Variants in MMP26 observed in about 807,000 individuals in gnomAD.
MMP26 encodes the protein matrix metalloproteinase-26.
MMP26 carries 33 observed loss-of-function variants against 31.0 expected under a neutral mutation model. The ratio of observed to expected loss-of-function variants is 1.06; its 90% CI spans 0.81 to 1.42. The LOEUF is 1.42. Ranked by LOEUF, MMP26 falls within the 40% of genes most tolerant of loss-of-function variation. MMP26 has a pLI of 0.00. For missense variants in MMP26, 347 were observed against 316.1 expected (o/e 1.10, Z -0.74); for synonymous variants, 122 against 114.9 (o/e 1.06, Z -0.40).
At chr11:4,790,457 G>A (rs1316725777) in intron 2 of MMP26, among the ~76,000 whole-genome samples, 2 of 152,122 alleles carry the variant, frequency 1.3e-5, no homozygotes, top group Admixed American at 1.3e-4. Flanking sequence ...TTTCACTCTG[G>A]GATTCAATTT....
intron 2 of MMP26, among the ~76,000 whole-genome samples, chr11:4,854,717 G>A (rs917169785): frequency 3.3e-5 from 5 of 152,168 alleles, no homozygotes; most frequent in Non-Finnish European, 7.4e-5. Flanking sequence ...GAGAGTAGTG[G>A]TTATCCCAGC....
At chr11:4,911,715 T>A (rs780861363) in intron 2 of MMP26, among the ~76,000 whole-genome samples, 1 of 152,194 alleles carries the variant, frequency 6.6e-6, no homozygotes, top group African/African-American at 2.4e-5. Flanking sequence ...CCCCTCTTTA[T>A]AGAGGCCTTC....
intron 2 of MMP26, among the ~76,000 whole-genome samples, chr11:4,784,194 C>T (rs36093088): frequency 0.095 from 14,430 of 152,176 alleles, 856 homozygotes; most frequent in Middle Eastern, 0.15. Context: ...GGTTGTTGGC[C>T]AGCATTTCAG....
At chr11:4,933,612 G>T (rs1312715666) in intron 2 of MMP26, among the ~76,000 whole-genome samples, 1 of 147,012 alleles carries the variant, frequency 6.8e-6, no homozygotes, top group Non-Finnish European at 1.5e-5. Flanking sequence ...TAGGTTACAT[G>T]TGCACATTGT....
At chr11:4,974,408 A>G (rs990457948) in intron 2 of MMP26, among the ~76,000 whole-genome samples, 2 of 152,072 alleles carry the variant, frequency 1.3e-5, no homozygotes, top group Non-Finnish European at 2.9e-5. Context: ...CGTTGTAAAC[A>G]TGGATTTTCT....
chr11:4,725,496 C>G (rs923605138), intron 1 of MMP26, among the ~76,000 whole-genome samples: 4 of 152,148 alleles, frequency 2.6e-5, no homozygotes, highest in South Asian at 4.1e-4. Flanking sequence ...GTTGTCAGAG[C>G]CTTGTTTGTT....
At chr11:4,927,993 A>G (rs1163242133) in intron 2 of MMP26, among the ~76,000 whole-genome samples, 1 of 152,082 alleles carries the variant, frequency 6.6e-6, no homozygotes, top group Non-Finnish European at 1.5e-5. Flanking sequence ...AAGTTGGAAA[A>G]TTGGTTGAGA....
intron 2 of MMP26, among the ~76,000 whole-genome samples, chr11:4,777,132 T>C (rs1156318156): frequency 2.6e-5 from 4 of 152,174 alleles, no homozygotes; most frequent in Non-Finnish European, 4.4e-5. Context: ...TTGATTAACC[T>C]CCCTGAATCT....
At chr11:4,958,625 G>A (rs1303459254) in intron 2 of MMP26, among the ~76,000 whole-genome samples, 3 of 151,742 alleles carry the variant, frequency 2.0e-5, no homozygotes, top group Middle Eastern at 6.3e-3. Context: ...TATCTATCTG[G>A]TTTGTTAATT....
At chr11:4,987,056 A>C (rs1023085572) in intron 2 of MMP26, among the ~76,000 whole-genome samples, 1 of 139,650 alleles carries the variant, frequency 7.2e-6, no homozygotes, top group Admixed American at 7.5e-5. Flanking sequence ...ACTTTTTTGT[A>C]TTTTTAGTAG....
At chr11:4,792,768 C>T (rs927355878) in intron 2 of MMP26, among the ~76,000 whole-genome samples, 2 of 152,118 alleles carry the variant, frequency 1.3e-5, no homozygotes, top group African/African-American at 4.8e-5. Flanking sequence ...CCTTTAGCTG[C>T]CTGAGGTTGG....
At chr11:4,741,122 T>C (rs1848306364) in intron 1 of MMP26, among the ~76,000 whole-genome samples, 1 of 152,170 alleles carries the variant, frequency 6.6e-6, no homozygotes, top group Admixed American at 6.5e-5. Flanking sequence ...CAGTTTCAGT[T>C]TTCTGCATAT....
chr11:4,803,475 G>C (rs751452967), intron 2 of MMP26: 22 of 1,613,108 alleles, frequency 1.4e-5, no homozygotes, highest in Non-Finnish European at 1.8e-5. Flanking sequence ...CCCTGTCCCC[G>C]ATCTGTTTGG....
intron 2 of MMP26, among the ~76,000 whole-genome samples, chr11:4,816,945 C>T (rs1305514719): frequency 6.6e-6 from 1 of 150,812 alleles, no homozygotes; most frequent in Admixed American, 6.6e-5. Context: ...TTCCTGACCT[C>T]GTGATCCACC....
At chr11:4,721,601 T>A (rs1317790159) in intron 1 of MMP26, among the ~76,000 whole-genome samples, 1 of 152,204 alleles carries the variant, frequency 6.6e-6, no homozygotes, top group Non-Finnish European at 1.5e-5. Flanking sequence ...ATGAGTGGAT[T>A]TTTTTCCCAA....
intron 1 of MMP26, among the ~76,000 whole-genome samples, chr11:4,734,536 T>G (rs1301267935): frequency 6.6e-6 from 1 of 152,178 alleles, no homozygotes; most frequent in Non-Finnish European, 1.5e-5. Context: ...ATTTTCCTAT[T>G]TAAAGCGGTG....
chr11:4,859,716 G>C (rs750559578), intron 2 of MMP26: 1 of 470,932 alleles, frequency 2.1e-6, no homozygotes. Flanking sequence ...GGAGCAGTAG[G>C]TATATATCAG....
At chr11:4,771,454 C>T (rs1848719392) in intron 2 of MMP26, among the ~76,000 whole-genome samples, 1 of 152,092 alleles carries the variant, frequency 6.6e-6, no homozygotes, top group Non-Finnish European at 1.5e-5. Flanking sequence ...CTTCCGGATA[C>T]AGTAGACGTT....
intron 1 of MMP26, among the ~76,000 whole-genome samples, chr11:4,746,671 T>C (rs1848384253): frequency 6.6e-6 from 1 of 152,164 alleles, no homozygotes; most frequent in Middle Eastern, 3.4e-3. Flanking sequence ...CCGTCTCTGC[T>C]AAAAATACAA....
Sources: allele counts gnomAD v4.1 joint callset (sites outside exome capture counted in the v4.1 genomes callset), GRCh38; gene constraint gnomAD v4.1.1; transcripts MANE v1.5; gene names NCBI Gene and HGNC (gene_info 2026-07-23, HGNC 2026-07-21).